The following FRMPD4 variants were observed in gnomAD, a reference collection of about 807,000 sequenced individuals.
FRMPD4 encodes the protein FERM and PDZ domain containing 4, also known as FERM and PDZ domain-containing protein 4.
Under a neutral mutation model 94.1 loss-of-function variants are expected in FRMPD4, and 22 were observed. The ratio of observed to expected loss-of-function variants is 0.23; its 90% confidence interval spans 0.17 to 0.33. The LOEUF (loss-of-function observed/expected upper bound fraction) is 0.33. Among genes scored for constraint, FRMPD4 ranks in the 10% least tolerant of loss-of-function variants. The pLI is 1.00. For missense variants in FRMPD4, 1,111 were observed against 1,339.9 expected, an observed-to-expected ratio of 0.83 and a Z score of 2.67; for synonymous variants, 631 against 548.6, an observed-to-expected ratio of 1.15 and a Z score of -2.10.
In FRMPD4 at chrX:11,852,474, A is replaced by G. The variant is rs766311937; in HGVS notation, c.-160-12612A>G. On this transcript the variant is annotated intron_variant, in intron 1 of 18. Transcript: ENST00000640291. ...AAAAAAAAAAAAAGAAAAAGAAAAAAAAGAATATACTTCGTTATGATTTCA... is the reference window on the plus strand; with the variant it reads ...AAAAAAAAAAAAAGAAAAAGAAAAAGAAGAATATACTTCGTTATGATTTCA... Among the ~76,000 whole-genome samples the G allele has an allele frequency of 6.4e-5, 7 of 109,667 alleles. No homozygotes were observed. The East Asian group carries it at 2.0e-3, about 32-fold the overall frequency.
intron 1 of FRMPD4, among the ~76,000 whole-genome samples, chrX:12,205,678 G>A (rs957554509): frequency 9.0e-6 from 1 of 111,716 alleles, no homozygotes; most frequent in African/African-American, 3.3e-5. Flanking sequence ...ATATTAAAAC[G>A]GTGCATTGCA....
intron 1 of FRMPD4, among the ~76,000 whole-genome samples, chrX:12,274,300 G>A (rs1256430512): frequency 2.7e-5 from 3 of 111,479 alleles, no homozygotes; most frequent in Non-Finnish European, 5.6e-5. Context: ...GCTACAAATC[G>A]CCAGAACTCC....
chrX:12,478,328 C>G (rs1276458521), intron 1 of FRMPD4, among the ~76,000 whole-genome samples: 1 of 111,537 alleles, frequency 9.0e-6, no homozygotes, highest in Non-Finnish European at 1.9e-5. Context: ...TAATCCCACC[C>G]CTTGGGAGGC....
intron 3 of FRMPD4, among the ~76,000 whole-genome samples, chrX:11,912,135 G>A (rs764814138): frequency 1.8e-5 from 2 of 111,718 alleles, no homozygotes; most frequent in Admixed American, 9.4e-5. Context: ...ATTGAAGTTG[G>A]CAGCTGGAAG....
At chrX:12,478,342 G>A (rs2057629998) in intron 1 of FRMPD4, among the ~76,000 whole-genome samples, 1 of 111,622 alleles carries the variant, frequency 9.0e-6, no homozygotes, top group Admixed American at 9.5e-5. Context: ...GGGAGGCCGA[G>A]GCAGGCAGAT....
chrX:11,901,784 A>G (rs1025791202), intron 3 of FRMPD4, among the ~76,000 whole-genome samples: 2 of 110,270 alleles, frequency 1.8e-5, no homozygotes, highest in Admixed American at 9.6e-5. Flanking sequence ...CTTTTTAATT[A>G]TGGCCTTTCT....
At chrX:12,273,718 C>T (rs6640952) in intron 1 of FRMPD4, among the ~76,000 whole-genome samples, 15,899 of 111,095 alleles carry the variant, frequency 0.14, 934 homozygotes, top group East Asian at 0.35. Context: ...AGTGCCCATC[C>T]CCTGCTAAGA....
In FRMPD4 at chrX:12,139,020, C is replaced by T; in HGVS notation, c.41+8C>T. On this transcript the variant is annotated splice_region_variant and intron_variant, in intron 1 of 16. Coordinates refer to ENST00000675598, the MANE Select transcript of FRMPD4 (RefSeq NM_001368397.1). ...GATTGCAAAGCTTTCGAGGTAGGGG[C>T]TGCGCGGGTTCCGTTTGCACCCAGG... 8.7e-7 allele frequency: 1 copy of T among 1,150,779 alleles called. No individual in the cohort carries two copies. The allele number at this position is 1,150,779 out of a possible 1,213,427, so 94.8% of individuals were successfully genotyped here.
chrX:11,826,201 G>C (rs2053442805), intron 1 of FRMPD4, among the ~76,000 whole-genome samples: 1 of 111,970 alleles, frequency 8.9e-6, no homozygotes, highest in Admixed American at 9.5e-5. Context: ...GTTTGCCAAA[G>C]ATTGAAATAG....
rs775917791 is a variant in FRMPD4, at chrX:12,212,572, G to A, written c.41+73560G>A. On this transcript the variant is annotated intron_variant, in intron 1 of 16. Transcript: ENST00000675598. ...TGTTGACAACCAGCCTAGACTTCTA[G>A]GTGAGACAAGAATACATTTCTAACT... is the stretch of plus-strand genomic sequence containing the variant. Among the ~76,000 whole-genome samples the A allele has an allele frequency of 6.3e-5, 7 of 111,234 alleles. No individual in the cohort carries two copies. The East Asian group carries it at 2.0e-3, about 32-fold the overall frequency.
At chrX:12,485,673 G>A (rs936051116) in intron 1 of FRMPD4, among the ~76,000 whole-genome samples, 1 of 111,143 alleles carries the variant, frequency 9.0e-6, no homozygotes, top group African/African-American at 3.3e-5. Flanking sequence ...CACCATGGTC[G>A]TGTATAAAAA....
intron 13 of FRMPD4, 67 bp from the exon 14 acceptor site, chrX:12,710,332 G>A (rs1021757237): frequency 1.1e-6 from 1 of 878,169 alleles, no homozygotes; most frequent in Non-Finnish European, 1.6e-6. Flanking sequence ...CATAAATGCA[G>A]CTGTTGACAC....
intron 1 of FRMPD4, among the ~76,000 whole-genome samples, chrX:12,291,990 C>T (rs1179596620): frequency 8.9e-6 from 1 of 111,936 alleles, no homozygotes; most frequent in Non-Finnish European, 1.9e-5. Flanking sequence ...AATTCATAGG[C>T]CTGTGCTTGG....
chrX:11,831,268 A>T (rs1416232620), intron 1 of FRMPD4, among the ~76,000 whole-genome samples: 1 of 111,482 alleles, frequency 9.0e-6, no homozygotes, highest in Non-Finnish European at 1.9e-5. Flanking sequence ...ATGAGAAATG[A>T]AGGACTGTGT....
intron 3 of FRMPD4, among the ~76,000 whole-genome samples, chrX:11,924,937 C>T (rs1394511677): frequency 9.0e-6 from 1 of 111,120 alleles, no homozygotes; most frequent in Non-Finnish European, 1.9e-5. Flanking sequence ...CTAAATGTCC[C>T]AATTAAAAGA....
chrX:12,680,610 A>G lies in FRMPD4; in HGVS notation c.469-2873A>G, dbSNP rs140800151. Among the ~76,000 whole-genome samples the G allele has an allele frequency of 8.0e-5, 9 of 112,295 alleles. No homozygotes were observed. The South Asian group carries it at 1.5e-3, about 19-fold the overall frequency. On this transcript the variant is annotated intron_variant, in intron 5 of 16. Transcript: ENST00000675598. ...GTCACAAACCCAGAACAAAAAAAGT[A>G]CTTGTTATGAATTCTTAGTTAGAAG...
intron 1 of FRMPD4, among the ~76,000 whole-genome samples, chrX:12,409,168 C>T (rs910417784): frequency 2.7e-5 from 3 of 111,777 alleles, no homozygotes; most frequent in Non-Finnish European, 5.7e-5. Context: ...CAAGCCATTG[C>T]TCTCTGGTGG....
Position 12,456,042 on chromosome X carries a change from C to A in FRMPD4, c.42-42638C>A, listed in dbSNP as rs142694515. On this transcript the variant is annotated intron_variant, in intron 1 of 16. Transcript: ENST00000675598. Reference sequence around the variant, plus strand: ...CTCCTAACCTCAGGTGATCCTCCCACCTAGGCCTCCCAAAGTGCTGGGATT... The same window carrying A: ...CTCCTAACCTCAGGTGATCCTCCCAACTAGGCCTCCCAAAGTGCTGGGATT... 8.1e-4 allele frequency among the ~76,000 whole-genome samples: 90 copies of A among 111,789 alleles called. 1 individual carries two copies. In the East Asian group the frequency reaches 0.024, roughly 29 times the overall value.
At chrX:12,563,109 G>A (rs1387151948) in intron 2 of FRMPD4, among the ~76,000 whole-genome samples, 1 of 112,160 alleles carries the variant, frequency 8.9e-6, no homozygotes, top group East Asian at 2.8e-4. Flanking sequence ...GGTTGCCCAT[G>A]GAAGCATAGG....
Sources: gnomAD v4.1 joint callset for allele counts (sites outside exome capture counted in the v4.1 genomes callset) on GRCh38, gnomAD v4.1.1 for gene constraint, MANE v1.5 for transcripts, NCBI Gene and HGNC (gene_info 2026-07-23, HGNC 2026-07-21) for gene names.